The following ZNRF2 variants were observed in gnomAD, a reference collection of about 807,000 sequenced individuals.
The protein encoded by ZNRF2 is E3 ubiquitin-protein ligase ZNRF2.
A neutral mutation model predicts 20.4 loss-of-function variants in ZNRF2; 16 were observed. That is an observed-to-expected ratio of 0.79 (90% CI 0.53 to 1.19). The LOEUF is 1.19. Ranked by LOEUF, ZNRF2 falls within the 50% of genes most tolerant of loss-of-function variation. The probability of loss-of-function intolerance (pLI) is 0.00; values close to 1 mark genes in which losing one functional copy is unlikely to be tolerated. For missense variants in ZNRF2, 363 were observed against 332.4 expected, an observed-to-expected ratio of 1.09 and a Z score of -0.72; for synonymous variants, 178 against 144.9, an observed-to-expected ratio of 1.23 and a Z score of -1.64.
In ZNRF2 at chr7:30,285,729, C is replaced by A; in HGVS notation, c.372C>A (p.Gly124=). 1 of 1,474,826 alleles carries A rather than the reference C, an allele frequency of 6.8e-7. No individual in the cohort carries two copies. Among genetic ancestry groups the A allele is most frequent in the Non-Finnish European group, 8.9e-7 (1 of 1,120,114 alleles). 91.4% of individuals were successfully genotyped at this position (1,474,826 alleles called of 1,614,324 possible). The change falls in exon 1 of 5, where the codon GGC becomes GGA. Residue 124 remains glycine, a synonymous_variant. Coordinates refer to ENST00000323037, the MANE Select transcript of ZNRF2 (RefSeq NM_147128.4). The part of the protein sequence containing the change: ...QDSVHSSPED[G]GGGRDRPVGG... ...CGGTGCACAGCAGCCCTGAGGACGG[C>A]GGCGGCGGCCGGGACCGGCCGGTGG...
chr7:30,285,362 GCGCCAAACAGAGCGGCCCGGC>G lies in ZNRF2; in HGVS notation c.10_30del (p.Lys4_Ala10del), dbSNP rs1032238367. The G allele has an allele frequency of 1.2e-5, 14 of 1,200,458 alleles. No homozygotes were observed. Among genetic ancestry groups the G allele is most frequent in the African/African-American group, 1.2e-4 (7 of 60,390 alleles). 74.4% of individuals were successfully genotyped at this position (1,200,458 alleles called of 1,614,324 possible). ...CCGGCCCGGGGCAGGGCGGACATGG[GCGCCAAACAGAGCGGCCCGGC>G]CGCCGCTAACGGCCGCACGCGCGCG... On this transcript the variant is annotated inframe_deletion, in exon 1 of 5. Transcript: ENST00000323037.
rs1798772129 is a variant in ZNRF2, at chr7:30,285,745, C to A, written c.388C>A (p.Arg130=). The change falls in exon 1 of 5, where the codon CGG becomes AGG. Residue 130 remains arginine, a synonymous_variant. Coordinates refer to ENST00000323037, the MANE Select transcript of ZNRF2 (RefSeq NM_147128.4). Reference sequence around the variant, plus strand: ...TGAGGACGGCGGCGGCGGCCGGGACCGGCCGGTGGGCGGGAGCCCCGGCGG... The same window carrying A: ...TGAGGACGGCGGCGGCGGCCGGGACAGGCCGGTGGGCGGGAGCCCCGGCGG... ...SPEDGGGGRD[R]PVGGSPGGPR... 2 of 1,479,180 alleles carry A rather than the reference C, an allele frequency of 1.4e-6. No individual in the cohort carries two copies. Among genetic ancestry groups the A allele is most frequent in the Admixed American group, 5.3e-5 (2 of 37,786 alleles). The allele number at this position is 1,479,180 out of a possible 1,614,324, so 91.6% of individuals were successfully genotyped here.
chr7:30,337,311 G>C (rs1441342892), intron 2 of ZNRF2, among the ~76,000 whole-genome samples: 1 of 152,082 alleles, frequency 6.6e-6, no homozygotes, highest in Admixed American at 6.6e-5. Flanking sequence ...AAGGGTCTGA[G>C]ATTATAGCCA....
At position 30,284,798 on chromosome 7, in the gene ZNRF2, C is replaced by G. The variant is rs1798740057; in HGVS notation, c.-560C>G. 1 of 190,028 alleles carries G rather than the reference C, an allele frequency of 5.3e-6. No homozygotes were observed. The highest frequency in any genetic ancestry group is 1.1e-5 in the Non-Finnish European group (1 of 87,886). The allele number at this position is 190,028 out of a possible 1,614,324, so 11.8% of individuals were successfully genotyped here. The stretch of plus-strand genomic sequence containing the variant: ...CCTCTCCCTCCCATTTTTCGTTCTC[C>G]CCTCGCGCGCCACCCGTTTTTCCTC... On this transcript the variant is annotated 5_prime_UTR_variant, in exon 1 of 5. Coordinates refer to ENST00000323037, the MANE Select transcript of ZNRF2 (RefSeq NM_147128.4).
At chr7:30,358,289 CTT>C in intron 3 of ZNRF2, among the ~76,000 whole-genome samples, 1 of 152,224 alleles carries the variant, frequency 6.6e-6, no homozygotes, top group South Asian at 2.1e-4. Flanking sequence ...GGAAATATCT[CTT>C]AAACTATAAC....
chr7:30,322,673 A>C (rs1255787847), intron 1 of ZNRF2, among the ~76,000 whole-genome samples: 1 of 152,206 alleles, frequency 6.6e-6, no homozygotes, highest in Non-Finnish European at 1.5e-5. Flanking sequence ...TTCCAAAAAA[A>C]AAAAAAATTG....
intron 1 of ZNRF2, among the ~76,000 whole-genome samples, chr7:30,297,314 G>T (rs1408847571): frequency 1.3e-5 from 2 of 152,082 alleles, no homozygotes; most frequent in African/African-American, 2.4e-5. Context: ...CTTGGAGATT[G>T]TATTTGCCTG....
chr7:30,323,746 A>G lies in ZNRF2; in HGVS notation c.565+9A>G, dbSNP rs748150412. ...ACGAATAACCTATAATGGTAAGTCC[A>G]ATGGTTTAAAATAATATTTTAAGTT... On this transcript the variant is annotated intron_variant, in intron 2 of 4. Coordinates refer to ENST00000323037, the MANE Select transcript of ZNRF2 (RefSeq NM_147128.4). The G allele has an allele frequency of 3.5e-6, 5 of 1,433,660 alleles. No homozygotes were observed. Among genetic ancestry groups the G allele is most frequent in the Middle Eastern group, 1.8e-4 (1 of 5,562 alleles). The allele number at this position is 1,433,660 out of a possible 1,614,324, so 88.8% of individuals were successfully genotyped here. A position where few individuals can be genotyped will look rare whatever the true frequency, so the allele number is the denominator to read the frequency against.
intron 2 of ZNRF2, among the ~76,000 whole-genome samples, chr7:30,347,179 G>A (rs1354109944): frequency 6.6e-6 from 1 of 152,030 alleles, no homozygotes; most frequent in African/African-American, 2.4e-5. Flanking sequence ...GTTATATAAT[G>A]TTACGAGTTA....
chr7:30,298,215 T>C (rs1332352759), intron 1 of ZNRF2, among the ~76,000 whole-genome samples: 1 of 152,204 alleles, frequency 6.6e-6, no homozygotes, highest in African/African-American at 2.4e-5. Flanking sequence ...CGAATTTACA[T>C]GTGCATCTGT....
chr7:30,297,845 C>CT (rs1242565701), intron 1 of ZNRF2, among the ~76,000 whole-genome samples: 10 of 149,130 alleles, frequency 6.7e-5, no homozygotes, highest in Middle Eastern at 6.8e-3. Context: ...GGTTTTTGTT[C>CT]TTTTTTTCTC....
intron 1 of ZNRF2, among the ~76,000 whole-genome samples, chr7:30,314,797 ATATATATG>A (rs1221019725): frequency 1.3e-5 from 2 of 150,988 alleles, no homozygotes; most frequent in East Asian, 1.9e-4. Flanking sequence ...AAATATATAT[ATATATATG>A]TATATATGTA....
intron 2 of ZNRF2, among the ~76,000 whole-genome samples, chr7:30,353,796 T>C (rs545601700): frequency 1.9e-4 from 29 of 152,238 alleles, no homozygotes; most frequent in African/African-American, 6.7e-4. Context: ...TGACCATTGA[T>C]GTTTTAGGTT....
At chr7:30,302,901 C>G (rs1051992048) in intron 1 of ZNRF2, among the ~76,000 whole-genome samples, 11 of 152,134 alleles carry the variant, frequency 7.2e-5, no homozygotes, top group African/African-American at 2.7e-4. Context: ...GAAAGTTTAT[C>G]CTGTAGAATA....
At chr7:30,344,235 C>CT (rs548015005) in intron 2 of ZNRF2, among the ~76,000 whole-genome samples, 129 of 138,776 alleles carry the variant, frequency 9.3e-4, no homozygotes, top group Middle Eastern at 3.8e-3. Context: ...GCTCTTGTTT[C>CT]TTTTTTTTTT....
chr7:30,285,113 C>G lies in ZNRF2; in HGVS notation c.-245C>G, dbSNP rs768691673. Reference sequence around the variant, plus strand: ...CAGCGAGGGGTGCCTGCAGCCGGGACCCCTTCCTCTCCGCGTCTCCTCGTC... The same window carrying G: ...CAGCGAGGGGTGCCTGCAGCCGGGAGCCCTTCCTCTCCGCGTCTCCTCGTC... On this transcript the variant is annotated 5_prime_UTR_variant, in exon 1 of 5. Transcript: ENST00000323037. 2.4e-5 allele frequency: 10 copies of G among 417,504 alleles called. No individual in the cohort carries two copies. The highest frequency in any genetic ancestry group is 2.2e-4 in the Admixed American group (8 of 36,748). The allele number at this position is 417,504 out of a possible 1,614,324, so 25.9% of individuals were successfully genotyped here.
At chr7:30,311,297 A>G (rs1478829556) in intron 1 of ZNRF2, among the ~76,000 whole-genome samples, 3 of 152,194 alleles carry the variant, frequency 2.0e-5, no homozygotes, top group Non-Finnish European at 4.4e-5. Context: ...TAAGATAGAT[A>G]GTAAATAGGC....
intron 1 of ZNRF2, chr7:30,289,052 C>A (rs549914630): frequency 3.3e-5 from 5 of 152,064 alleles, no homozygotes; most frequent in Non-Finnish European, 7.4e-5. Flanking sequence ...CCAGAGAAAT[C>A]GTGTGGACTT....
chr7:30,344,664 C>T (rs190509982), intron 2 of ZNRF2, among the ~76,000 whole-genome samples: 6 of 152,280 alleles, frequency 3.9e-5, no homozygotes, highest in Admixed American at 2.6e-4. Context: ...CTTACCATTA[C>T]GTAGATTCAG....
Sources: gnomAD v4.1 joint callset for allele counts (sites outside exome capture counted in the v4.1 genomes callset) on GRCh38, gnomAD v4.1.1 for gene constraint, MANE v1.5 for transcripts, NCBI Gene and HGNC (gene_info 2026-07-23, HGNC 2026-07-21) for gene names.